Variants in DCUN1D3 observed in about 807,000 individuals in gnomAD.
DCUN1D3 encodes DCN1-like protein 3.
In DCUN1D3, 6 loss-of-function variants were observed where a neutral mutation model predicts 24.8. The observed-to-expected ratio is 0.24, with a 90% CI of 0.13 to 0.48. The LOEUF is 0.48. DCUN1D3 is among the 20% of genes least tolerant of loss of function. DCUN1D3 has a pLI of 0.99. For synonymous variants in DCUN1D3, 120 were observed against 144.9 expected, an observed-to-expected ratio of 0.83 and a Z score of 1.24; for missense variants, 258 against 379.4, an observed-to-expected ratio of 0.68 and a Z score of 2.66.
intron 1 of DCUN1D3, among the ~76,000 whole-genome samples, chr16:20,880,920 T>C (rs2081840554): frequency 6.6e-6 from 1 of 152,146 alleles, no homozygotes; most frequent in Non-Finnish European, 1.5e-5. Flanking sequence ...AAATTCAGAC[T>C]CTTAAATTAA....
At chr16:20,880,980 T>C (rs139024229) in intron 1 of DCUN1D3, among the ~76,000 whole-genome samples, 2 of 152,328 alleles carry the variant, frequency 1.3e-5, no homozygotes, top group African/African-American at 4.8e-5. Flanking sequence ...TTAAATTGCT[T>C]CTTTCAAAAC....
At chr16:20,869,584 A>G (rs1259244205) in intron 1 of DCUN1D3, among the ~76,000 whole-genome samples, 1 of 152,194 alleles carries the variant, frequency 6.6e-6, no homozygotes, top group Non-Finnish European at 1.5e-5. Context: ...AGGCAGGTTT[A>G]ATTCTGGTCC....
chr16:20,886,381 T>C (rs2081868405), intron 1 of DCUN1D3, among the ~76,000 whole-genome samples: 1 of 152,216 alleles, frequency 6.6e-6, no homozygotes, highest in South Asian at 2.1e-4. Context: ...ACTGTTCACC[T>C]AATATTTTTC....
At chr16:20,894,185 C>T (rs1272988396) in intron 1 of DCUN1D3, among the ~76,000 whole-genome samples, 1 of 152,162 alleles carries the variant, frequency 6.6e-6, no homozygotes, top group Non-Finnish European at 1.5e-5. Context: ...AGGAGGATCG[C>T]TTGAGCCTGG....
At chr16:20,888,094 T>C (rs886069207) in intron 1 of DCUN1D3, among the ~76,000 whole-genome samples, 4 of 152,186 alleles carry the variant, frequency 2.6e-5, no homozygotes, top group African/African-American at 9.6e-5. Flanking sequence ...CTAGCAATCT[T>C]TTTATACACT....
Position 20,860,208 on chromosome 16 carries a change from C to T in DCUN1D3, c.593G>A (p.Arg198Gln), listed in dbSNP as rs1339285105. 2.5e-6 allele frequency: 4 copies of T among 1,614,092 alleles called. No homozygotes were observed. The highest frequency in any genetic ancestry group is 2.2e-5 in the East Asian group (1 of 44,892). Reference sequence around the variant, plus strand: ...AATGGCTATTTCCCGATGCAGTGACCGCTGCCCTTCTTCAGAGTCCAGGCC... The same window carrying T: ...AATGGCTATTTCCCGATGCAGTGACTGCTGCCCTTCTTCAGAGTCCAGGCC... ...QFGLDSEEGQRSLHREIAIAL... is the reference protein window; with the variant it reads ...QFGLDSEEGQQSLHREIAIAL... The change falls in exon 3 of 3, where the codon CGG becomes CAG. Residue 198 changes from arginine to glutamine, a missense_variant. Arg to Gln is a conservative substitution (Grantham distance 43). Transcript: ENST00000324344. The surrounding 1 kb of genome is among the most constrained non-coding windows in gnomAD (Gnocchi z 4.3).
rs934261605 is a variant in DCUN1D3 at position 20,875,004 on chromosome 16, C to A, written c.-105-12361G>T. ...ATGATTCGTTCCTGCCCACTTCCCA[C>A]CCACATGACCTGCCAAAATTGCTGC... On this transcript the variant is annotated intron_variant, in intron 1 of 2. Transcript: ENST00000324344. Among the ~76,000 whole-genome samples, 19 of 152,254 alleles carry A rather than the reference C, an allele frequency of 1.2e-4. No individual in the cohort carries two copies. In the South Asian group the frequency reaches 3.9e-3, roughly 32 times the overall value.
At chr16:20,870,761 A>G (rs1361275919) in intron 1 of DCUN1D3, among the ~76,000 whole-genome samples, 2 of 152,248 alleles carry the variant, frequency 1.3e-5, no homozygotes, top group Admixed American at 6.5e-5. Context: ...CAATATAAAA[A>G]GCCCATCTTT....
At chr16:20,898,986 G>A (rs1223098594) in intron 1 of DCUN1D3, among the ~76,000 whole-genome samples, 1 of 151,870 alleles carries the variant, frequency 6.6e-6, no homozygotes, top group Non-Finnish European at 1.5e-5. Context: ...GTTTGTATTC[G>A]CCCTTAAACC....
intron 1 of DCUN1D3, among the ~76,000 whole-genome samples, chr16:20,891,568 T>C (rs546933802): frequency 2.0e-5 from 3 of 152,042 alleles, no homozygotes; most frequent in African/African-American, 4.8e-5. Context: ...AGATGGGAAG[T>C]TGTCAGAGAG....
intron 1 of DCUN1D3, among the ~76,000 whole-genome samples, chr16:20,889,082 G>A (rs1344558308): frequency 6.6e-6 from 1 of 152,180 alleles, no homozygotes; most frequent in African/African-American, 2.4e-5. Context: ...ACAAAAATTA[G>A]CCGGGCGTGG....
intron 1 of DCUN1D3, among the ~76,000 whole-genome samples, chr16:20,873,672 T>A (rs1182822042): frequency 6.6e-6 from 1 of 152,150 alleles, no homozygotes; most frequent in Admixed American, 6.5e-5. Context: ...GTGGGGTTCA[T>A]AAAGAACTAT....
intron 1 of DCUN1D3, among the ~76,000 whole-genome samples, chr16:20,882,825 C>T (rs2081851118): frequency 6.6e-6 from 1 of 152,198 alleles, no homozygotes; most frequent in Non-Finnish European, 1.5e-5. Flanking sequence ...ATTTTGGAGG[C>T]CAACATTTTT....
intron 1 of DCUN1D3, among the ~76,000 whole-genome samples, chr16:20,895,646 C>T (rs148556873): frequency 9.2e-5 from 14 of 152,298 alleles, no homozygotes; most frequent in African/African-American, 2.9e-4. Flanking sequence ...ACTGATTAAA[C>T]GGTCAAGTTC....
rs116655835 is a variant in DCUN1D3, at chr16:20,867,523, A to G, written c.-105-4880T>C. ...GCTCCAGCTCTGAAAAGGACGCCCA[A>G]CTGCGCCACTGGCTAATTGTTTGAC... On this transcript the variant is annotated intron_variant, in intron 1 of 2. Coordinates refer to ENST00000324344, the MANE Select transcript of DCUN1D3 (RefSeq NM_173475.4). Among the ~76,000 whole-genome samples, 1,149 of 152,330 alleles carry G rather than the reference A, an allele frequency of 7.5e-3. 24 individuals carry two copies. The highest frequency in any genetic ancestry group is 0.026 in the African/African-American group (1,082 of 41,572).
At position 20,858,503 on chromosome 16, in the gene DCUN1D3, A is replaced by C. The variant is rs1181108029; in HGVS notation, c.*1383T>G. The C allele has an allele frequency of 1.3e-5, 2 of 149,970 alleles. No homozygotes were observed. Among genetic ancestry groups the C allele is most frequent in the African/African-American group, 4.9e-5 (2 of 40,760 alleles). The allele number at this position is 149,970 out of a possible 1,614,324, so 9.3% of individuals were successfully genotyped here. ...GTATAAGCAGGCAAAGAAACAAAGG[A>C]ATATAGATACATATATGTGTATATA... On this transcript the variant is annotated 3_prime_UTR_variant, in exon 3 of 3. Transcript: ENST00000324344.
intron 1 of DCUN1D3, among the ~76,000 whole-genome samples, chr16:20,893,680 T>C (rs935306909): frequency 2.0e-5 from 3 of 152,202 alleles, no homozygotes; most frequent in Non-Finnish European, 4.4e-5. Flanking sequence ...ACAAGCATAC[T>C]TCAACAATGG....
intron 1 of DCUN1D3, among the ~76,000 whole-genome samples, chr16:20,877,940 G>T (rs1459133607): frequency 6.6e-6 from 1 of 152,134 alleles, no homozygotes; most frequent in Admixed American, 6.5e-5. Flanking sequence ...AAGACTACAG[G>T]CACATGGTGC....
At chr16:20,880,989 A>G (rs2081840896) in intron 1 of DCUN1D3, among the ~76,000 whole-genome samples, 1 of 152,166 alleles carries the variant, frequency 6.6e-6, no homozygotes, top group African/African-American at 2.4e-5. Context: ...TTCTTTCAAA[A>G]CAGCATACTC....
Sources: allele counts gnomAD v4.1 joint callset (sites outside exome capture counted in the v4.1 genomes callset), GRCh38; gene constraint gnomAD v4.1.1; non-coding constraint Gnocchi (gnomAD v3.1); transcripts MANE v1.5; gene names NCBI Gene and HGNC (gene_info 2026-07-23, HGNC 2026-07-21).